KCNMB2: variants seen among roughly 807,000 people sequenced by gnomAD.
KCNMB2 encodes potassium calcium-activated channel subfamily M regulatory beta subunit 2.
Under a neutral mutation model 24.5 loss-of-function variants are expected in KCNMB2, and 9 were observed. That is an observed-to-expected ratio of 0.37 (90% confidence interval 0.22 to 0.64). The LOEUF is 0.64. Among genes scored for constraint, KCNMB2 ranks in the 30% least tolerant of loss-of-function variants. The pLI, the probability that KCNMB2 is intolerant of heterozygous loss-of-function variation, is 0.63. For synonymous variants in KCNMB2, 109 were observed against 104.4 expected, an observed-to-expected ratio of 1.04 and a Z score of -0.27; for missense variants, 226 against 284.3, an observed-to-expected ratio of 0.79 and a Z score of 1.47.
At chr3:178,587,314 T>C (rs1457287857) in intron 1 of KCNMB2, among the ~76,000 whole-genome samples, 1 of 152,216 alleles carries the variant, frequency 6.6e-6, no homozygotes, top group African/African-American at 2.4e-5. Flanking sequence ...TATCCCAGGC[T>C]GACCTAAGGC....
chr3:178,652,461 T>C (rs1179558266), intron 1 of KCNMB2, among the ~76,000 whole-genome samples: 1 of 141,888 alleles, frequency 7.0e-6, no homozygotes, highest in Non-Finnish European at 1.6e-5. Context: ...GAACTTGAAG[T>C]ATTAAAAAAA....
At chr3:178,621,692 G>A (rs546520865) in intron 1 of KCNMB2, among the ~76,000 whole-genome samples, 1 of 151,982 alleles carries the variant, frequency 6.6e-6, no homozygotes, top group Non-Finnish European at 1.5e-5. Context: ...AAATTACTCT[G>A]TTAAGTTTTC....
At chr3:178,692,307 A>G (rs2108330480) in intron 1 of KCNMB2, among the ~76,000 whole-genome samples, 1 of 152,304 alleles carries the variant, frequency 6.6e-6, no homozygotes, top group Middle Eastern at 3.4e-3. Flanking sequence ...CTTCATCATG[A>G]AATCTTTGCC....
intron 1 of KCNMB2, among the ~76,000 whole-genome samples, chr3:178,680,546 G>T (rs544554718): frequency 2.0e-5 from 3 of 152,178 alleles, no homozygotes; most frequent in East Asian, 3.9e-4. Context: ...ACTGAAAAAA[G>T]AAATATTATA....
chr3:178,768,519 T>C (rs1577172182), intron 1 of KCNMB2, among the ~76,000 whole-genome samples: 1 of 152,200 alleles, frequency 6.6e-6, no homozygotes, highest in African/African-American at 2.4e-5. Context: ...AAAATATATA[T>C]TCAGTATATT....
chr3:178,777,412 T>A (rs1712628057), intron 1 of KCNMB2, among the ~76,000 whole-genome samples: 1 of 152,070 alleles, frequency 6.6e-6, no homozygotes, highest in Non-Finnish European at 1.5e-5. Flanking sequence ...CCAGCCCGGG[T>A]GACAGTGCAA....
At chr3:178,625,470 G>T (rs1452758224) in intron 1 of KCNMB2, among the ~76,000 whole-genome samples, 1 of 152,222 alleles carries the variant, frequency 6.6e-6, no homozygotes, top group African/African-American at 2.4e-5. Context: ...TGCACTTTGG[G>T]GTCAATGCCG....
intron 2 of KCNMB2, among the ~76,000 whole-genome samples, chr3:178,823,394 G>A (rs1027582139): frequency 2.0e-5 from 3 of 152,068 alleles, no homozygotes; most frequent in Admixed American, 6.5e-5. Flanking sequence ...GGAAAGACAA[G>A]GCCGTGAAAT....
In KCNMB2 at chr3:178,829,715, T is replaced by A. The variant is rs574978797; in HGVS notation, c.423+1342T>A. On this transcript the variant is annotated intron_variant, in intron 4 of 4. Coordinates refer to ENST00000452583, the MANE Select transcript of KCNMB2 (RefSeq NM_181361.3). ...TGAATAGGCATCAAAAAGTGGGACA[T>A]ATTTTCATTTCCTCATTTTGACAAT... Among the ~76,000 whole-genome samples the A allele has an allele frequency of 2.0e-5, 3 of 152,286 alleles. No homozygotes were observed. In the South Asian group the frequency reaches 6.2e-4, roughly 32 times the overall value.
intron 1 of KCNMB2, among the ~76,000 whole-genome samples, chr3:178,545,160 C>T (rs879618478): frequency 2.0e-5 from 3 of 152,154 alleles, no homozygotes; most frequent in African/African-American, 4.8e-5. Context: ...TGATGCTGCC[C>T]GTTTGTTTGT....
chr3:178,537,266 T>G (rs1715441948), intron 1 of KCNMB2: 3 of 152,136 alleles, frequency 2.0e-5, no homozygotes, highest in Non-Finnish European at 4.4e-5. Flanking sequence ...GGTACCTTCG[T>G]CCGTTTTGCA....
intron 1 of KCNMB2, among the ~76,000 whole-genome samples, chr3:178,595,502 G>A (rs1717834663): frequency 2.6e-5 from 4 of 152,056 alleles, no homozygotes; most frequent in Admixed American, 1.3e-4. Flanking sequence ...TGTGTTGTGG[G>A]AGGGACCAGG....
chr3:178,820,520 C>T (rs1714582740), intron 2 of KCNMB2: 1 of 153,054 alleles, frequency 6.5e-6, no homozygotes, highest in South Asian at 2.1e-4. Flanking sequence ...GGATAGCTAC[C>T]AAGGGAATCT....
intron 1 of KCNMB2, among the ~76,000 whole-genome samples, chr3:178,586,538 C>CTTTTTTTTTTCTTTCT (rs1717439913): frequency 1.5e-5 from 1 of 68,496 alleles, no homozygotes; most frequent in African/African-American, 5.7e-5. Flanking sequence ...TTTTTTCTTT[C>CTTTTTTTTTTCTTTCT]TTTTTTTTTT....
At chr3:178,816,520 G>A (rs1714408986) in intron 2 of KCNMB2, among the ~76,000 whole-genome samples, 1 of 151,578 alleles carries the variant, frequency 6.6e-6, no homozygotes, top group African/African-American at 2.4e-5. Context: ...CTTTGTTTTA[G>A]TATATTCTGT....
intron 1 of KCNMB2, among the ~76,000 whole-genome samples, chr3:178,742,932 T>C (rs779911718): frequency 2.6e-5 from 4 of 152,152 alleles, no homozygotes; most frequent in Admixed American, 6.5e-5. Flanking sequence ...GTCCAGGCTG[T>C]CTCAGAGGCC....
rs557142838 is a variant in KCNMB2 at position 178,728,580 on chromosome 3, T to C, written c.-67-78763T>C. On this transcript the variant is annotated intron_variant, in intron 1 of 4. Transcript: ENST00000452583. Reference sequence around the variant, plus strand: ...CAGCTTTGGGATGAATCTGTGTTCTTGACAACTCTTTGCAAGAGGCACCTA... The same window carrying C: ...CAGCTTTGGGATGAATCTGTGTTCTCGACAACTCTTTGCAAGAGGCACCTA... Among the ~76,000 whole-genome samples the C allele has an allele frequency of 3.3e-5, 5 of 152,214 alleles. No individual in the cohort carries two copies. In the East Asian group the frequency reaches 9.7e-4, roughly 29 times the overall value.
At chr3:178,599,959 T>C (rs943047672) in intron 1 of KCNMB2, among the ~76,000 whole-genome samples, 1 of 152,120 alleles carries the variant, frequency 6.6e-6, no homozygotes, top group Admixed American at 6.5e-5. Flanking sequence ...CTCACTACAA[T>C]CTCCACTTCC....
At chr3:178,774,993 T>A (rs1210140994) in intron 1 of KCNMB2, among the ~76,000 whole-genome samples, 2 of 152,206 alleles carry the variant, frequency 1.3e-5, no homozygotes, top group Non-Finnish European at 2.9e-5. Flanking sequence ...CCCAGAACCA[T>A]CTTTACACAA....
Sources: allele counts gnomAD v4.1 joint callset (sites outside exome capture counted in the v4.1 genomes callset), GRCh38; gene constraint gnomAD v4.1.1; transcripts MANE v1.5; gene names NCBI Gene and HGNC (gene_info 2026-07-23, HGNC 2026-07-21).